The following RSU1 variants were observed in gnomAD, a reference collection of about 807,000 sequenced individuals.
RSU1 encodes the protein rsu-1.
A neutral mutation model predicts 31.1 loss-of-function variants in RSU1; 26 were observed. That is an observed-to-expected ratio of 0.84 (90% CI 0.61 to 1.16). The LOEUF (loss-of-function observed/expected upper bound fraction) is 1.16, where lower values mean the gene tolerates loss of function less well. Ranked by LOEUF, RSU1 falls within the 50% of genes most tolerant of loss-of-function variation. The probability of loss-of-function intolerance (pLI) is 0.00; values close to 1 mark genes in which losing one functional copy is unlikely to be tolerated. For missense variants in RSU1, 320 were observed against 339.1 expected, an observed-to-expected ratio of 0.94 and a Z score of 0.44; for synonymous variants, 164 against 136.3, an observed-to-expected ratio of 1.20 and a Z score of -1.41.
intron 8 of RSU1, among the ~76,000 whole-genome samples, chr10:16,675,195 T>C: frequency 8.3e-6 from 1 of 121,014 alleles, no homozygotes. Context: ...AGCGAGACTC[T>C]GTCTCAAAAA....
chr10:16,593,547 T>C lies in RSU1; in HGVS notation c.732-51A>G, dbSNP rs367545545. ...TCAGATCTATTTTGCCAACACAAGA[T>C]AGCTTTCACTGGAAGAGCTTTCAGG... On this transcript the variant is annotated intron_variant, in intron 8 of 8. Coordinates refer to ENST00000345264, the MANE Select transcript of RSU1 (RefSeq NM_012425.4). 3,084 of 1,373,866 alleles carry C rather than the reference T, an allele frequency of 2.2e-3. 14 individuals carry two copies. The highest frequency in any genetic ancestry group is 0.015 in the Middle Eastern group (85 of 5,608). The allele number at this position is 1,373,866 out of a possible 1,614,324, so 85.1% of individuals were successfully genotyped here.
At chr10:16,762,672 G>A (rs1837233449) in intron 4 of RSU1, among the ~76,000 whole-genome samples, 1 of 152,108 alleles carries the variant, frequency 6.6e-6, no homozygotes, top group African/African-American at 2.4e-5. Context: ...AATTCCTTGT[G>A]GGAGCAATAA....
At chr10:16,760,465 T>C (rs763037952) in intron 4 of RSU1, among the ~76,000 whole-genome samples, 5 of 147,334 alleles carry the variant, frequency 3.4e-5, no homozygotes, top group Non-Finnish European at 4.5e-5. Flanking sequence ...GCCGAGATCA[T>C]GCCATTGCAC....
chr10:16,764,260 C>T (rs1837267169), intron 4 of RSU1, 130 bp downstream of exon 4: 1 of 1,138,668 alleles, frequency 8.8e-7, no homozygotes, highest in South Asian at 2.7e-5. Flanking sequence ...TTTTTTAAGA[C>T]CCAAAACATA....
chr10:16,765,735 G>A (rs1837300592), intron 3 of RSU1, among the ~76,000 whole-genome samples: 1 of 152,158 alleles, frequency 6.6e-6, no homozygotes, highest in Non-Finnish European at 1.5e-5. Context: ...CATGAACAGG[G>A]GCGTGGAACT....
chr10:16,757,117 G>A (rs1379542825), intron 4 of RSU1, among the ~76,000 whole-genome samples: 8 of 149,872 alleles, frequency 5.3e-5, no homozygotes, highest in Admixed American at 1.3e-4. Context: ...GTGGGTGTGC[G>A]TGTGTGTGTG....
intron 2 of RSU1, among the ~76,000 whole-genome samples, chr10:16,800,121 T>C (rs1838121203): frequency 6.6e-6 from 1 of 152,104 alleles, no homozygotes. Flanking sequence ...GCTACAAAAA[T>C]GTGAGAACTC....
At chr10:16,665,287 C>A (rs766826474) in intron 8 of RSU1, among the ~76,000 whole-genome samples, 31 of 152,078 alleles carry the variant, frequency 2.0e-4, no homozygotes, top group Non-Finnish European at 3.4e-4. Context: ...TACACTCTTT[C>A]CTAACAACCC....
chr10:16,757,038 TGGTGTGTGTGTG>T (rs915463504), intron 4 of RSU1, among the ~76,000 whole-genome samples: 2 of 147,724 alleles, frequency 1.4e-5, no homozygotes, highest in Non-Finnish European at 3.0e-5. Flanking sequence ...AGTGTGTGTG[TGGTGTGTGTGTG>T]GGTGTGTTTG....
intron 3 of RSU1, among the ~76,000 whole-genome samples, chr10:16,767,021 C>T (rs892690730): frequency 1.5e-5 from 2 of 129,926 alleles, no homozygotes; most frequent in African/African-American, 7.4e-5. Flanking sequence ...AACTCTATGT[C>T]CAAAAAAAAA....
At position 16,806,942 on chromosome 10, in the gene RSU1, G is replaced by A. The variant is rs180989641; in HGVS notation, c.109+10031C>T. 4.8e-3 allele frequency among the ~76,000 whole-genome samples: 728 copies of A among 152,228 alleles called. 14 individuals carry two copies. The highest frequency in any genetic ancestry group is 0.017 in the African/African-American group (703 of 41,536). On this transcript the variant is annotated intron_variant, in intron 2 of 8. Coordinates refer to ENST00000345264, the MANE Select transcript of RSU1 (RefSeq NM_012425.4). ...CTAATTCTTGTATTGTTAGTAGAGA[G>A]GGGGTTTCACCATGTTGGCCAGGGT...
intron 8 of RSU1, among the ~76,000 whole-genome samples, chr10:16,687,427 A>G (rs896132742): frequency 1.1e-4 from 17 of 152,224 alleles, no homozygotes; most frequent in African/African-American, 4.1e-4. Context: ...AACATCATAT[A>G]TTGAATAAAT....
At chr10:16,646,061 TACACAC>T (rs57414227) in intron 8 of RSU1, among the ~76,000 whole-genome samples, 3,020 of 78,884 alleles carry the variant, frequency 0.038, 601 homozygotes, top group South Asian at 0.09. Flanking sequence ...TATATATATA[TACACAC>T]ACACACACAC....
At chr10:16,807,783 G>A (rs1238163126) in intron 2 of RSU1, among the ~76,000 whole-genome samples, 1 of 151,606 alleles carries the variant, frequency 6.6e-6, no homozygotes, top group African/African-American at 2.4e-5. Flanking sequence ...TAGCACTTTG[G>A]GAGGCTGAGG....
chr10:16,657,976 C>T (rs1395641193), intron 8 of RSU1, among the ~76,000 whole-genome samples: 3 of 150,250 alleles, frequency 2.0e-5, no homozygotes, highest in South Asian at 2.1e-4. Flanking sequence ...GGGAACAGAG[C>T]GAGAATCTGT....
intron 7 of RSU1, among the ~76,000 whole-genome samples, chr10:16,751,543 G>A (rs1422526639): frequency 6.6e-6 from 1 of 152,092 alleles, no homozygotes; most frequent in Non-Finnish European, 1.5e-5. Context: ...CCTTCCTAAC[G>A]TCCTGTCATC....
intron 8 of RSU1, among the ~76,000 whole-genome samples, chr10:16,681,158 T>C (rs1003364801): frequency 7.9e-5 from 12 of 152,320 alleles, no homozygotes; most frequent in Admixed American, 4.6e-4. Context: ...TTCTTAGATA[T>C]TGGTTGTAAA....
chr10:16,657,712 G>A (rs1388542709), intron 8 of RSU1, among the ~76,000 whole-genome samples: 2 of 152,146 alleles, frequency 1.3e-5, no homozygotes, highest in East Asian at 3.9e-4. Context: ...AATCCAAAGG[G>A]CCAGGCACGG....
intron 8 of RSU1, among the ~76,000 whole-genome samples, chr10:16,633,546 G>A (rs1834290655): frequency 6.6e-6 from 1 of 152,138 alleles, no homozygotes; most frequent in African/African-American, 2.4e-5. Context: ...CACTGGTGTG[G>A]TGAGACTGAG....
Sources: allele counts gnomAD v4.1 joint callset (sites outside exome capture counted in the v4.1 genomes callset), GRCh38; gene constraint gnomAD v4.1.1; transcripts MANE v1.5; gene names NCBI Gene and HGNC (gene_info 2026-07-23, HGNC 2026-07-21).